Variants in CPA6 observed in about 807,000 individuals in gnomAD.
The protein encoded by CPA6 is carboxypeptidase B.
Under a neutral mutation model 63.3 loss-of-function variants are expected in CPA6, and 58 were observed. The ratio of observed to expected loss-of-function variants is 0.92; its 90% CI spans 0.74 to 1.14. The LOEUF is 1.14. Ranked by LOEUF, CPA6 falls within the 50% of genes most tolerant of loss-of-function variation. The probability of loss-of-function intolerance (pLI) is 0.00; values close to 1 mark genes in which losing one functional copy is unlikely to be tolerated. For missense variants in CPA6, 565 were observed against 526.6 expected, an observed-to-expected ratio of 1.07 and a Z score of -0.71; for synonymous variants, 185 against 179.0, an observed-to-expected ratio of 1.03 and a Z score of -0.27.
chr8:67,686,954 G>T (rs1041376213), intron 1 of CPA6, among the ~76,000 whole-genome samples: 1 of 152,162 alleles, frequency 6.6e-6, no homozygotes, highest in East Asian at 1.9e-4. Flanking sequence ...ACTAAATTCT[G>T]CCAGGTAATG....
At chr8:67,712,444 T>A (rs1817283277) in intron 1 of CPA6, among the ~76,000 whole-genome samples, 1 of 152,122 alleles carries the variant, frequency 6.6e-6, no homozygotes, top group African/African-American at 2.4e-5. Flanking sequence ...GGAACCTCTT[T>A]CAAGTGCCTG....
At chr8:67,574,649 G>A (rs1488344022) in intron 2 of CPA6, among the ~76,000 whole-genome samples, 1 of 152,130 alleles carries the variant, frequency 6.6e-6, no homozygotes, top group African/African-American at 2.4e-5. Flanking sequence ...AGGACAGTCT[G>A]TTCAATAAGT....
chr8:67,493,992 A>G lies in CPA6; in HGVS notation c.637-9203T>C, dbSNP rs372391831. On this transcript the variant is annotated intron_variant, in intron 6 of 10. Coordinates refer to ENST00000297770, the MANE Select transcript of CPA6 (RefSeq NM_020361.5). ...GCTGATTCTAAAAACCTGTAGAAAT[A>G]TATGACTCAAGTGTAACTGAGTTTA... 2.0e-5 allele frequency among the ~76,000 whole-genome samples: 3 copies of G among 152,200 alleles called. No individual in the cohort carries two copies. The East Asian group carries it at 5.8e-4, about 29-fold the overall frequency.
At chr8:67,496,974 G>A (rs1034837428) in intron 6 of CPA6, among the ~76,000 whole-genome samples, 6 of 151,888 alleles carry the variant, frequency 4.0e-5, no homozygotes, top group South Asian at 4.2e-4. Context: ...CCAGAAATTC[G>A]CTGATTTGGG....
chr8:67,511,609 AGCT>A lies in CPA6; in HGVS notation c.361_363del (p.Ser121del). ...GATCTTCGGTTTCTCTGGGTGTGCA[AGCT>A]GCTTCCCTTCTCCAGTGTTTTCTGA... On this transcript the variant is annotated inframe_deletion, in exon 4 of 11. Transcript: ENST00000297770. 1 of 1,612,800 alleles carries A rather than the reference AGCT, an allele frequency of 6.2e-7. No homozygotes were observed. Among genetic ancestry groups the A allele is most frequent in the Non-Finnish European group, 8.5e-7 (1 of 1,178,874 alleles).
intron 1 of CPA6, among the ~76,000 whole-genome samples, chr8:67,670,207 G>T (rs981118188): frequency 2.0e-5 from 3 of 152,182 alleles, no homozygotes; most frequent in Non-Finnish European, 4.4e-5. Context: ...TTGGCTCATG[G>T]TTCCGCAGGC....
At chr8:67,437,143 C>A (rs901711299) in intron 8 of CPA6, among the ~76,000 whole-genome samples, 2 of 152,176 alleles carry the variant, frequency 1.3e-5, no homozygotes, top group Non-Finnish European at 2.9e-5. Flanking sequence ...TGCTTGTAAT[C>A]CCAGCACTTT....
At chr8:67,593,347 A>T (rs1383184828) in intron 2 of CPA6, among the ~76,000 whole-genome samples, 162 of 151,878 alleles carry the variant, frequency 1.1e-3, no homozygotes, top group Admixed American at 7.2e-3. Context: ...GGTGCTGAAA[A>T]AAATGTATAT....
intron 6 of CPA6, among the ~76,000 whole-genome samples, chr8:67,497,616 C>A (rs141300140): frequency 1.3e-5 from 2 of 152,186 alleles, no homozygotes; most frequent in South Asian, 4.1e-4. Context: ...ATTTTGGGGT[C>A]ACATAGTAAC....
At chr8:67,475,847 C>CT (rs1563967741) in intron 8 of CPA6, among the ~76,000 whole-genome samples, 27 of 72,064 alleles carry the variant, frequency 3.7e-4, no homozygotes, top group African/African-American at 1.5e-3. Flanking sequence ...TTCTTTCTTT[C>CT]TTTCTTTCTT....
intron 1 of CPA6, among the ~76,000 whole-genome samples, chr8:67,645,385 A>T (rs1815692397): frequency 6.6e-6 from 1 of 152,238 alleles, no homozygotes; most frequent in Non-Finnish European, 1.5e-5. Context: ...CGGTAAAAAA[A>T]TGTTGAAGAT....
At chr8:67,660,982 A>G (rs1023223748) in intron 1 of CPA6, among the ~76,000 whole-genome samples, 1 of 152,170 alleles carries the variant, frequency 6.6e-6, no homozygotes, top group Non-Finnish European at 1.5e-5. Context: ...TTGTGTAACT[A>G]TATGATTTAT....
chr8:67,450,436 C>A (rs1810529676), intron 8 of CPA6, among the ~76,000 whole-genome samples: 1 of 152,302 alleles, frequency 6.6e-6, no homozygotes, highest in South Asian at 2.1e-4. Flanking sequence ...TAATTTCCAT[C>A]CTCTCTGTAG....
chr8:67,498,702 A>T (rs968014183), intron 6 of CPA6, among the ~76,000 whole-genome samples: 5 of 152,288 alleles, frequency 3.3e-5, no homozygotes, highest in African/African-American at 1.2e-4. Context: ...CCATGGCACC[A>T]TAAATATCAT....
At chr8:67,554,517 A>C (rs1046089461) in intron 2 of CPA6, among the ~76,000 whole-genome samples, 2 of 152,200 alleles carry the variant, frequency 1.3e-5, no homozygotes, top group African/African-American at 4.8e-5. Context: ...TTAAAATTCA[A>C]CATAAGATTT....
At chr8:67,473,516 G>T (rs1244248770) in intron 8 of CPA6, among the ~76,000 whole-genome samples, 2 of 152,184 alleles carry the variant, frequency 1.3e-5, no homozygotes, top group African/African-American at 4.8e-5. Context: ...TACAAAGTAG[G>T]AAATGAAATG....
intron 1 of CPA6, among the ~76,000 whole-genome samples, chr8:67,643,147 A>C (rs1178374069): frequency 6.6e-6 from 1 of 152,202 alleles, no homozygotes; most frequent in Non-Finnish European, 1.5e-5. Context: ...CAAAAATATG[A>C]ATAGATGCAT....
intron 1 of CPA6, among the ~76,000 whole-genome samples, chr8:67,643,023 A>T (rs543426168): frequency 6.6e-6 from 1 of 152,332 alleles, no homozygotes; most frequent in East Asian, 1.9e-4. Flanking sequence ...GGCAAGCCCT[A>T]GAGAGGAGAT....
chr8:67,666,478 G>C (rs570194412), intron 1 of CPA6, among the ~76,000 whole-genome samples: 109 of 152,300 alleles, frequency 7.2e-4, no homozygotes, highest in African/African-American at 2.6e-3. Context: ...GTAAAGCTGG[G>C]CAGGAGGGAG....
Sources: gnomAD v4.1 joint callset for allele counts (sites outside exome capture counted in the v4.1 genomes callset) on GRCh38, gnomAD v4.1.1 for gene constraint, MANE v1.5 for transcripts, NCBI Gene and HGNC (gene_info 2026-07-23, HGNC 2026-07-21) for gene names.